The following DCDC1 variants were observed in gnomAD, a reference collection of about 807,000 sequenced individuals.
The protein encoded by DCDC1 is doublecortin domain containing 1.
DCDC1 carries 200 observed loss-of-function variants against 178.3 expected under a neutral mutation model. The observed-to-expected ratio is 1.12, with a 90% CI of 1.00 to 1.26. The LOEUF (loss-of-function observed/expected upper bound fraction) is 1.26, where lower values mean the gene tolerates loss of function less well. Among genes scored for constraint, DCDC1 ranks in the 50% most tolerant of loss-of-function variants. DCDC1 has a pLI of 0.00. For missense variants in DCDC1, 1,983 were observed against 1,749.2 expected (o/e 1.13, Z -2.38); for synonymous variants, 690 against 604.8 (o/e 1.14, Z -2.07).
intron 20 of DCDC1, among the ~76,000 whole-genome samples, chr11:31,052,755 A>G (rs1353937600): frequency 6.6e-6 from 1 of 152,214 alleles, no homozygotes; most frequent in African/African-American, 2.4e-5. Context: ...AAATGAAATC[A>G]AGATGGAAAT....
intron 16 of DCDC1, among the ~76,000 whole-genome samples, chr11:31,093,060 C>T (rs891654777): frequency 6.6e-6 from 1 of 152,088 alleles, no homozygotes; most frequent in African/African-American, 2.4e-5. Context: ...ATACAGTATT[C>T]AACTAAGTGG....
chr11:30,900,587 T>C, intron 32 of DCDC1, 89 bp from the exon 33 acceptor site: 1 of 1,222,946 alleles, frequency 8.2e-7, no homozygotes, highest in South Asian at 2.6e-5. Context: ...TATTTTATTA[T>C]TCATTAATAA....
At chr11:30,978,196 T>C (rs563238877) in intron 20 of DCDC1, among the ~76,000 whole-genome samples, 1 of 152,336 alleles carries the variant, frequency 6.6e-6, no homozygotes, top group East Asian at 1.9e-4. Flanking sequence ...GACTTACCTA[T>C]TCTCACACGA....
At chr11:30,954,205 CG>C (rs1948625573) in intron 20 of DCDC1, among the ~76,000 whole-genome samples, 1 of 151,408 alleles carries the variant, frequency 6.6e-6, no homozygotes. Context: ...TTAGTAGAGA[CG>C]GGGTTTCACC....
chr11:30,964,630 T>C (rs1949320494), intron 20 of DCDC1, among the ~76,000 whole-genome samples: 1 of 152,140 alleles, frequency 6.6e-6, no homozygotes, highest in African/African-American at 2.4e-5. Flanking sequence ...TGAATGATGA[T>C]TTGTTTTCTA....
chr11:31,195,820 G>C (rs999164948), intron 9 of DCDC1, among the ~76,000 whole-genome samples: 1 of 151,650 alleles, frequency 6.6e-6, no homozygotes, highest in African/African-American at 2.4e-5. Context: ...GACAGTAGTT[G>C]ATTCTCAATA....
In DCDC1 at chr11:31,137,859, G is replaced by A. The variant is rs188484657; in HGVS notation, c.1222-75C>T. The A allele has an allele frequency of 3.0e-3, 1,919 of 631,192 alleles. 34 individuals are homozygous for A. The highest frequency in any genetic ancestry group is 8.6e-4 in the Non-Finnish European group (302 of 349,504). The allele number at this position is 631,192 out of a possible 1,614,324, so 39.1% of individuals were successfully genotyped here. A position where few individuals can be genotyped will look rare whatever the true frequency, so the allele number is the denominator to read the frequency against. ...ATAGCAACATTTATTCAAACAACTA[G>A]TTAAGCATAATCATGAATGTGATTT... On this transcript the variant is annotated intron_variant, in intron 9 of 38. Coordinates refer to ENST00000684477, the MANE Select transcript of DCDC1 (RefSeq NM_001387274.1).
At chr11:31,103,243 T>C (rs978314582) in intron 14 of DCDC1, among the ~76,000 whole-genome samples, 1 of 152,176 alleles carries the variant, frequency 6.6e-6, no homozygotes, top group Admixed American at 6.5e-5. Flanking sequence ...CCCCAGAACA[T>C]TGCTTTTGTT....
intron 11 of DCDC1, among the ~76,000 whole-genome samples, chr11:31,111,914 G>C (rs1959182633): frequency 6.6e-6 from 1 of 152,172 alleles, no homozygotes; most frequent in Admixed American, 6.5e-5. Context: ...TGAGAAAGCA[G>C]AGACGTCTTG....
At chr11:31,148,903 T>A (rs994318179) in intron 9 of DCDC1, among the ~76,000 whole-genome samples, 6 of 151,256 alleles carry the variant, frequency 4.0e-5, no homozygotes, top group Admixed American at 4.0e-4. Context: ...CCCGCCCAAC[T>A]TCCCCCCAAG....
At chr11:31,009,024 T>C (rs917562508) in intron 20 of DCDC1, among the ~76,000 whole-genome samples, 10 of 152,204 alleles carry the variant, frequency 6.6e-5, no homozygotes, top group African/African-American at 1.9e-4. Flanking sequence ...TCAGGGTATA[T>C]AGAAATAAAA....
intron 1 of DCDC1, among the ~76,000 whole-genome samples, chr11:31,341,104 G>A (rs768734): frequency 6.6e-6 from 1 of 151,888 alleles, no homozygotes; most frequent in African/African-American, 2.4e-5. Flanking sequence ...TGGAGAGCTA[G>A]TAGGGAGGAG....
intron 9 of DCDC1, among the ~76,000 whole-genome samples, chr11:31,177,971 T>A (rs1166054296): frequency 6.6e-6 from 1 of 151,650 alleles, no homozygotes; most frequent in Non-Finnish European, 1.5e-5. Flanking sequence ...CCATTGATCA[T>A]CTAGACAAAA....
chr11:30,910,034 C>T (rs1042246541), intron 28 of DCDC1, among the ~76,000 whole-genome samples: 2 of 152,056 alleles, frequency 1.3e-5, no homozygotes, highest in Non-Finnish European at 2.9e-5. Context: ...GACAATAAAG[C>T]CTCCCTCAGA....
chr11:31,144,527 A>AGG (rs1964225408), intron 9 of DCDC1, among the ~76,000 whole-genome samples: 2 of 152,212 alleles, frequency 1.3e-5, no homozygotes, highest in African/African-American at 4.8e-5. Context: ...GCTATAAATA[A>AGG]AAACACCAGT....
chr11:30,977,357 C>T (rs541039138), intron 20 of DCDC1, among the ~76,000 whole-genome samples: 23 of 152,226 alleles, frequency 1.5e-4, no homozygotes, highest in African/African-American at 4.3e-4. Context: ...CACATAGAAA[C>T]GGTAAATACT....
chr11:31,250,757 TA>T (rs1445529626), intron 8 of DCDC1, among the ~76,000 whole-genome samples: 4 of 133,106 alleles, frequency 3.0e-5, no homozygotes, highest in South Asian at 2.6e-4. Flanking sequence ...GCATCCCTAA[TA>T]TTTTTTTTTT....
In DCDC1 at chr11:30,864,945, T is replaced by A. The variant is rs1047173519; in HGVS notation, c.*428A>T. On this transcript the variant is annotated 3_prime_UTR_variant, in exon 39 of 39. Coordinates refer to ENST00000684477, the MANE Select transcript of DCDC1 (RefSeq NM_001387274.1). ...GCCCATTGAAAAAACTGAGTTATTT[T>A]GAAGGATAAATTTATTTTTTATTTT... 3.9e-5 allele frequency: 6 copies of A among 152,220 alleles called. No individual in the cohort carries two copies. Among genetic ancestry groups the A allele is most frequent in the African/African-American group, 1.4e-4 (6 of 41,464 alleles). The allele number at this position is 152,220 out of a possible 1,614,324, so 9.4% of individuals were successfully genotyped here.
At chr11:30,886,158 A>C (rs956838569) in intron 36 of DCDC1, among the ~76,000 whole-genome samples, 4 of 152,216 alleles carry the variant, frequency 2.6e-5, no homozygotes, top group African/African-American at 9.6e-5. Flanking sequence ...TATACACCAA[A>C]ATTGTAATAA....
Sources: gnomAD v4.1 joint callset for allele counts (sites outside exome capture counted in the v4.1 genomes callset) on GRCh38, gnomAD v4.1.1 for gene constraint, MANE v1.5 for transcripts, NCBI Gene and HGNC (gene_info 2026-07-23, HGNC 2026-07-21) for gene names.